Variants in CNTNAP2 observed in about 807,000 individuals in gnomAD.
The protein encoded by CNTNAP2 is contactin associated protein 2.
CNTNAP2 carries 98 observed loss-of-function variants against 155.2 expected under a neutral mutation model. That is an observed-to-expected ratio of 0.63 (90% confidence interval 0.54 to 0.75). The LOEUF (loss-of-function observed/expected upper bound fraction) is 0.75, where lower values mean the gene tolerates loss of function less well. CNTNAP2 is among the 30% of genes least tolerant of loss of function. The pLI is 0.00. For synonymous variants in CNTNAP2, 651 were observed against 631.2 expected (o/e 1.03, Z -0.47); for missense variants, 1,727 against 1,688.1 (o/e 1.02, Z -0.40).
intron 1 of CNTNAP2, among the ~76,000 whole-genome samples, chr7:146,271,443 T>A (rs1469095915): frequency 6.6e-6 from 1 of 151,918 alleles, no homozygotes; most frequent in Non-Finnish European, 1.5e-5. Context: ...CTTATCTAAT[T>A]GAATTAACTC....
At chr7:146,157,799 C>A (rs1798151345) in intron 1 of CNTNAP2, among the ~76,000 whole-genome samples, 1 of 152,230 alleles carries the variant, frequency 6.6e-6, no homozygotes, top group Admixed American at 6.5e-5. Flanking sequence ...GTAGACTCCA[C>A]TTCTGGGGGC....
chr7:146,255,966 C>G (rs1443354226), intron 1 of CNTNAP2, among the ~76,000 whole-genome samples: 3 of 152,150 alleles, frequency 2.0e-5, no homozygotes, highest in African/African-American at 7.2e-5. Context: ...GTGAATAAAT[C>G]TTGTTGCAAA....
intron 18 of CNTNAP2, among the ~76,000 whole-genome samples, chr7:148,215,136 C>T (rs1474772318): frequency 2.6e-5 from 4 of 151,994 alleles, no homozygotes; most frequent in Non-Finnish European, 5.9e-5. Flanking sequence ...TATGTGTCAA[C>T]ATAATTAACA....
rs117932125 is a variant in CNTNAP2, at chr7:146,469,663, C to G, written c.98-304608C>G. On this transcript the variant is annotated intron_variant, in intron 1 of 23. Coordinates refer to ENST00000361727, the MANE Select transcript of CNTNAP2 (RefSeq NM_014141.6). ...TTAGCCTCCCTAGTAGCTGGAATTA[C>G]AGGCACCTGCTACCAGGCTTGGCTA... Among the ~76,000 whole-genome samples, 542 of 151,388 alleles carry G rather than the reference C, an allele frequency of 3.6e-3. 1 individual carries two copies. Among genetic ancestry groups the G allele is most frequent in the Non-Finnish European group, 6.2e-3 (421 of 67,908 alleles).
At chr7:147,038,541 C>A (rs1799201022) in intron 3 of CNTNAP2, among the ~76,000 whole-genome samples, 1 of 152,144 alleles carries the variant, frequency 6.6e-6, no homozygotes, top group Admixed American at 6.5e-5. Context: ...ACTTCCACTC[C>A]TTTGTAATAT....
chr7:147,882,293 G>C (rs1186263709), intron 13 of CNTNAP2, among the ~76,000 whole-genome samples: 3 of 152,112 alleles, frequency 2.0e-5, no homozygotes, highest in Non-Finnish European at 4.4e-5. Context: ...AGATCTCCTG[G>C]CTCCAATTTC....
chr7:147,391,824 T>G (rs1185569502), intron 9 of CNTNAP2, among the ~76,000 whole-genome samples: 1 of 149,888 alleles, frequency 6.7e-6, no homozygotes, highest in Non-Finnish European at 1.5e-5. Flanking sequence ...TTCCTGGAAT[T>G]TGATCTTTGC....
intron 1 of CNTNAP2, among the ~76,000 whole-genome samples, chr7:146,297,228 G>T (rs1394205851): frequency 6.6e-6 from 1 of 151,872 alleles, no homozygotes; most frequent in Non-Finnish European, 1.5e-5. Context: ...ATTTCCCAGT[G>T]CATTTCCTAA....
At chr7:146,641,050 G>A (rs914826407) in intron 1 of CNTNAP2, among the ~76,000 whole-genome samples, 2 of 152,222 alleles carry the variant, frequency 1.3e-5, no homozygotes, top group East Asian at 1.9e-4. Context: ...AACTTGTCCA[G>A]GCACGGTGGC....
rs568365527 is a variant in CNTNAP2, at chr7:146,566,622, G to A, written c.98-207649G>A. Among the ~76,000 whole-genome samples, 142 of 152,012 alleles carry A rather than the reference G, an allele frequency of 9.3e-4. 1 individual carries two copies. Among genetic ancestry groups the A allele is most frequent in the African/African-American group, 3.2e-3 (133 of 41,472 alleles). On this transcript the variant is annotated intron_variant, in intron 1 of 23. Coordinates refer to ENST00000361727, the MANE Select transcript of CNTNAP2 (RefSeq NM_014141.6). ...TGAGGCAGGAGAATTGCTTGAACCC[G>A]GGAGGCGGAGGTTGCAGTGGGCCGA...
intron 13 of CNTNAP2, among the ~76,000 whole-genome samples, chr7:147,794,737 G>GTTTTTT (rs368387319): frequency 2.1e-4 from 31 of 149,040 alleles, no homozygotes; most frequent in Admixed American, 6.0e-4. Flanking sequence ...TTTATGGGTA[G>GTTTTTT]TTTTTTTTTT....
At chr7:146,187,786 G>A (rs185420367) in intron 1 of CNTNAP2, among the ~76,000 whole-genome samples, 20 of 152,044 alleles carry the variant, frequency 1.3e-4, no homozygotes, top group Non-Finnish European at 2.8e-4. Context: ...GTTTATTATG[G>A]CCACATTTTC....
intron 1 of CNTNAP2, among the ~76,000 whole-genome samples, chr7:146,708,168 T>C (rs570509294): frequency 5.3e-5 from 8 of 152,310 alleles, no homozygotes; most frequent in African/African-American, 1.9e-4. Flanking sequence ...CTTATTACTT[T>C]CTACCTTGTA....
chr7:146,468,310 T>C (rs560560444), intron 1 of CNTNAP2, among the ~76,000 whole-genome samples: 51 of 152,070 alleles, frequency 3.4e-4, no homozygotes, highest in African/African-American at 1.2e-3. Flanking sequence ...GGGGCAAGAT[T>C]TGAAAACCTG....
chr7:148,260,739 G>T (rs11773726), intron 20 of CNTNAP2, among the ~76,000 whole-genome samples: 31,708 of 152,130 alleles, frequency 0.21, 4,445 homozygotes, highest in East Asian at 0.56. Flanking sequence ...CCGTAATGGA[G>T]GCAAAGCTGC....
rs568797320 is a variant in CNTNAP2, at chr7:147,347,977, A to G, written c.1499-47632A>G. Reference sequence around the variant, plus strand: ...ATGGTGTTGGGAAAACTGGATATCCATATGCAAAAGAATGAAACTAGACCC... The same window carrying G: ...ATGGTGTTGGGAAAACTGGATATCCGTATGCAAAAGAATGAAACTAGACCC... On this transcript the variant is annotated intron_variant, in intron 9 of 23. Transcript: ENST00000361727. 5.3e-5 allele frequency among the ~76,000 whole-genome samples: 8 copies of G among 152,220 alleles called. No individual in the cohort carries two copies. The East Asian group carries it at 1.4e-3, about 26-fold the overall frequency.
At chr7:147,411,193 G>C (rs1405221495) in intron 10 of CNTNAP2, among the ~76,000 whole-genome samples, 1 of 151,948 alleles carries the variant, frequency 6.6e-6, no homozygotes, top group Non-Finnish European at 1.5e-5. Flanking sequence ...CAGATGTGTT[G>C]GTTTTCTCCC....
At chr7:148,092,617 A>C (rs1394582696) in intron 15 of CNTNAP2, among the ~76,000 whole-genome samples, 1 of 152,116 alleles carries the variant, frequency 6.6e-6, no homozygotes, top group African/African-American at 2.4e-5. Flanking sequence ...AGAACTTCAA[A>C]ACATTTTACT....
At chr7:146,367,561 A>T (rs190416810) in intron 1 of CNTNAP2, among the ~76,000 whole-genome samples, 19 of 152,242 alleles carry the variant, frequency 1.2e-4, no homozygotes, top group Non-Finnish European at 2.5e-4. Flanking sequence ...AAGCACATAC[A>T]TTCCTCATCT....
Sources: allele counts gnomAD v4.1 joint callset (sites outside exome capture counted in the v4.1 genomes callset), GRCh38; gene constraint gnomAD v4.1.1; transcripts MANE v1.5; gene names NCBI Gene and HGNC (gene_info 2026-07-23, HGNC 2026-07-21).